EXOSC10: variants seen among roughly 807,000 people sequenced by gnomAD.
EXOSC10 encodes the protein exosome component 10, also known as exosome complex component 10.
A neutral mutation model predicts 126.6 loss-of-function variants in EXOSC10; 94 were observed. The ratio of observed to expected loss-of-function variants is 0.74; its 90% CI spans 0.63 to 0.88. The LOEUF is 0.88. Ranked by LOEUF, EXOSC10 falls within the 40% of genes least tolerant of loss-of-function variation. EXOSC10 has a pLI of 0.00. For synonymous variants in EXOSC10, 395 were observed against 400.8 expected, an observed-to-expected ratio of 0.99 and a Z score of 0.17; for missense variants, 1,041 against 1,100.5, an observed-to-expected ratio of 0.95 and a Z score of 0.77.
Position 11,087,707 on chromosome 1 carries a change from A to G in EXOSC10, c.945+93T>C, listed in dbSNP as rs1640572635. On this transcript the variant is annotated intron_variant, in intron 8 of 24. Transcript: ENST00000376936. Reference sequence around the variant, plus strand: ...AGTTATATGATTAATTTTTTACCAAAAAAAATTACAATTAGTATTAATTTT... The same window carrying G: ...AGTTATATGATTAATTTTTTACCAAGAAAAATTACAATTAGTATTAATTTT... 2.8e-5 allele frequency: 41 copies of G among 1,482,554 alleles called. No homozygotes were observed. The South Asian group carries it at 4.3e-4, about 16-fold the overall frequency. The allele number at this position is 1,482,554 out of a possible 1,614,324, so 91.8% of individuals were successfully genotyped here. A position where few individuals can be genotyped will look rare whatever the true frequency, so the allele number is the denominator to read the frequency against.
intron 14 of EXOSC10, among the ~76,000 whole-genome samples, chr1:11,079,426 C>G (rs1264290571): frequency 1.4e-5 from 2 of 145,824 alleles, no homozygotes; most frequent in Non-Finnish European, 3.0e-5. Flanking sequence ...CGGAGTCTCG[C>G]TCTGCCTCCC....
At chr1:11,068,597 G>A (rs2791655) in intron 23 of EXOSC10, 48 bp downstream of exon 23, 1,036,218 of 1,494,438 alleles carry the variant, frequency 0.69, 368,162 homozygotes, top group East Asian at 0.8. Flanking sequence ...GAGGAGGTCA[G>A]AAACAGGCGC....
chr1:11,068,814 G>C (rs1639267564), intron 22 of EXOSC10, 108 bp from the exon 23 acceptor site: 1 of 860,062 alleles, frequency 1.2e-6, no homozygotes, highest in Non-Finnish European at 2.0e-6. Context: ...CCTTGGCTGT[G>C]AGAGCACCCC....
At chr1:11,071,106 G>C in intron 20 of EXOSC10, 133 bp from the exon 21 acceptor site, 3 of 724,382 alleles carry the variant, frequency 4.1e-6, no homozygotes, top group Middle Eastern at 3.9e-4. Flanking sequence ...CAGGTCCCCG[G>C]TCCCCCATCT....
At chr1:11,081,461 G>C (rs1640163963) in intron 10 of EXOSC10, among the ~76,000 whole-genome samples, 1 of 152,208 alleles carries the variant, frequency 6.6e-6, no homozygotes, top group African/African-American at 2.4e-5. Context: ...GTTAAAATAA[G>C]GGCACTGTCA....
chr1:11,091,874 G>C (rs1248064262), intron 3 of EXOSC10, among the ~76,000 whole-genome samples: 1 of 152,040 alleles, frequency 6.6e-6, no homozygotes, highest in African/African-American at 2.4e-5. Context: ...ATTTTTAGTA[G>C]AGATGGGGTT....
intron 19 of EXOSC10, 134 bp downstream of exon 19, chr1:11,073,800 C>T (rs1570796608): frequency 1.4e-5 from 9 of 657,372 alleles, no homozygotes; most frequent in Non-Finnish European, 2.3e-5. Flanking sequence ...ACTGCTTGAA[C>T]CTGGGAGGTG....
At chr1:11,080,201 A>G (rs1640066676) in intron 13 of EXOSC10, among the ~76,000 whole-genome samples, 1 of 152,248 alleles carries the variant, frequency 6.6e-6, no homozygotes, top group African/African-American at 2.4e-5. Context: ...AAGAAAGTAC[A>G]GATGACAGAA....
At position 11,068,468 on chromosome 1, in the gene EXOSC10, C is replaced by T. The variant is rs1313832568; in HGVS notation, c.2550+177G>A. 1.6e-5 allele frequency: 10 copies of T among 619,674 alleles called. No homozygotes were observed. In the South Asian group the frequency reaches 1.8e-4, roughly 11 times the overall value. 38.4% of individuals were successfully genotyped at this position (619,674 alleles called of 1,614,324 possible). On this transcript the variant is annotated intron_variant, in intron 23 of 24. Transcript: ENST00000376936. Reference sequence around the variant, plus strand: ...AAAGCCACATGCCAGCTTTTACAGCCTCGTTTTATGAGTTGCTGGGGTAGC... The same window carrying T: ...AAAGCCACATGCCAGCTTTTACAGCTTCGTTTTATGAGTTGCTGGGGTAGC...
Position 11,068,078 on chromosome 1 carries a change from T to C in EXOSC10, c.2557A>G (p.Ile853Val). ...GACTGTTTAATTTTTTTGGCTGCAA[T>C]GCATTTCTGAAAAGAAAAGAAACCG... ...NKQTPSGKKC[I>V]AAKKIKQSVG... Residue 853 changes from isoleucine (I) to valine (V), a missense_variant, in exon 24 of 25, where the codon ATT becomes GTT. Ile to Val is a conservative substitution (Grantham distance 29). Coordinates refer to ENST00000376936, the MANE Select transcript of EXOSC10 (RefSeq NM_001001998.3). The C allele has an allele frequency of 6.2e-7, 1 of 1,614,080 alleles. No individual in the cohort carries two copies. Among genetic ancestry groups the C allele is most frequent in the Non-Finnish European group, 8.5e-7 (1 of 1,179,984 alleles).
At chr1:11,085,204 C>T (rs1293394867) in intron 9 of EXOSC10, among the ~76,000 whole-genome samples, 2 of 152,138 alleles carry the variant, frequency 1.3e-5, no homozygotes, top group African/African-American at 2.4e-5. Context: ...ATTGAATCTA[C>T]AAATTACCTT....
Position 11,099,779 on chromosome 1 carries a change from G to A in EXOSC10, c.53C>T (p.Thr18Ile). The change falls in exon 1 of 25, where the codon ACC (threonine) becomes ATC (isoleucine). Residue 18 changes from threonine (T) to isoleucine (I), a missense_variant. Coordinates refer to ENST00000376936, the MANE Select transcript of EXOSC10 (RefSeq NM_001001998.3). Reference protein sequence around the residue: ...EPRVLSATSATKSDGEMVLPG... With the variant: ...EPRVLSATSAIKSDGEMVLPG... ...CAGCACCATCTCTCCGTCGGATTTG[G>A]TTGCGCTGGTCGCCGACAGGACCCT... 1.2e-6 allele frequency: 2 copies of A among 1,612,286 alleles called. No individual in the cohort carries two copies. The highest frequency in any genetic ancestry group is 1.7e-6 in the Non-Finnish European group (2 of 1,179,172).
At chr1:11,077,136 T>C (rs3737618) in intron 16 of EXOSC10, 188 bp from the exon 17 acceptor site, 33,597 of 618,762 alleles carry the variant, frequency 0.054, 1,651 homozygotes, top group African/African-American at 0.14. Flanking sequence ...AGATTACAGG[T>C]GCCCACCACC....
chr1:11,070,878 A>G (rs921956906), intron 21 of EXOSC10, 22 bp downstream of exon 21: 4 of 1,608,972 alleles, frequency 2.5e-6, no homozygotes, highest in Middle Eastern at 1.7e-4. Flanking sequence ...TCAAAGGAAA[A>G]AGGAGAAAAG....
Position 11,089,618 on chromosome 1 carries a change from T to TCCCC in EXOSC10, c.758+935_758+936insGGGG, listed in dbSNP as rs1435710780. 1.2e-3 allele frequency among the ~76,000 whole-genome samples: 143 copies of TCCCC among 115,294 alleles called. 2 individuals are homozygous for TCCCC. Among genetic ancestry groups the TCCCC allele is most frequent in the African/African-American group, 4.4e-3 (132 of 29,880 alleles). The allele number at this position is 115,294 out of a possible 152,430, so 75.6% of individuals were successfully genotyped here. On this transcript the variant is annotated intron_variant, in intron 6 of 24. Transcript: ENST00000376936. ...CCTGAGCAACAAGAGCGAAACTCCG[T>TCCCC]CCCAAAAAAAAAAAAAAAGAAAGAA...
intron 19 of EXOSC10, 125 bp from the exon 20 acceptor site, chr1:11,072,296 T>G: frequency 1.5e-6 from 1 of 663,202 alleles, no homozygotes; most frequent in East Asian, 2.6e-5. Context: ...AGTCATAAAT[T>G]TTCAAATCTA....
intron 6 of EXOSC10, 122 bp from the exon 7 acceptor site, chr1:11,088,320 C>A: frequency 1.6e-6 from 1 of 622,978 alleles, no homozygotes. Flanking sequence ...AATATCTTCC[C>A]TTTACAAAGA....
chr1:11,094,872 T>C (rs996350347), intron 3 of EXOSC10, among the ~76,000 whole-genome samples: 2 of 151,792 alleles, frequency 1.3e-5, no homozygotes, highest in African/African-American at 4.8e-5. Context: ...AGTTCTGGGA[T>C]TGTAGGTGTG....
intron 13 of EXOSC10, among the ~76,000 whole-genome samples, 194 bp downstream of exon 13, chr1:11,080,305 G>A (rs1640071322): frequency 6.6e-6 from 1 of 152,148 alleles, no homozygotes; most frequent in Admixed American, 6.6e-5. Context: ...AATGATTCCA[G>A]TTCAGAAGTT....
Sources: allele counts gnomAD v4.1 joint callset (sites outside exome capture counted in the v4.1 genomes callset), GRCh38; gene constraint gnomAD v4.1.1; transcripts MANE v1.5; gene names NCBI Gene and HGNC (gene_info 2026-07-23, HGNC 2026-07-21).